Variants in CPVL observed in about 807,000 individuals in gnomAD.
CPVL encodes the protein probable serine carboxypeptidase CPVL.
Under a neutral mutation model 63.7 loss-of-function variants are expected in CPVL, and 51 were observed. That is an observed-to-expected ratio of 0.80 (90% confidence interval 0.64 to 1.01). CPVL has a LOEUF of 1.01. Ranked by LOEUF, CPVL falls within the 50% of genes least tolerant of loss-of-function variation. The pLI, the probability that CPVL is intolerant of heterozygous loss-of-function variation, is 0.00. For missense variants in CPVL, 530 were observed against 573.1 expected (o/e 0.92, Z 0.77); for synonymous variants, 195 against 206.0 (o/e 0.95, Z 0.46).
intron 5 of CPVL, among the ~76,000 whole-genome samples, chr7:29,168,792 C>T (rs1796241065): frequency 6.6e-6 from 1 of 152,184 alleles, no homozygotes; most frequent in Non-Finnish European, 1.5e-5. Flanking sequence ...TTTAGTTTAG[C>T]ATGTATTCAT....
intron 5 of CPVL, among the ~76,000 whole-genome samples, chr7:29,174,561 T>C (rs1797026569): frequency 6.6e-6 from 1 of 152,018 alleles, no homozygotes; most frequent in Non-Finnish European, 1.5e-5. Context: ...CCCAACACAA[T>C]GATTAAACAA....
At position 29,043,815 on chromosome 7, in the gene CPVL, A is replaced by G. The variant is rs545519819; in HGVS notation, c.1138-13056T>C. On this transcript the variant is annotated intron_variant, in intron 11 of 12. Transcript: ENST00000265394. Reference sequence around the variant, plus strand: ...AAAAGCCCTAGGAAGAGCCCAGAACATATGACTGGGGCTTCTGTCGGCAGT... The same window carrying G: ...AAAAGCCCTAGGAAGAGCCCAGAACGTATGACTGGGGCTTCTGTCGGCAGT... 8.5e-5 allele frequency among the ~76,000 whole-genome samples: 13 copies of G among 152,320 alleles called. No individual in the cohort carries two copies. The South Asian group carries it at 2.3e-3, about 27-fold the overall frequency.
At position 29,120,985 on chromosome 7, in the gene CPVL, G is replaced by A. The variant is rs765265643; in HGVS notation, c.77C>T (p.Ser26Phe). 1 of 1,613,798 alleles carries A rather than the reference G, an allele frequency of 6.2e-7. No homozygotes were observed. The highest frequency in any genetic ancestry group is 1.1e-5 in the South Asian group (1 of 90,994). Residue 26 changes from serine (S) to phenylalanine (F), a missense_variant, in exon 2 of 13, where the codon TCC (serine) becomes TTC (phenylalanine). By Grantham distance (155) the Ser-to-Phe change is radical. Coordinates refer to ENST00000265394, the MANE Select transcript of CPVL (RefSeq NM_031311.5). ...TGGCATGGAAACACTTCTGTATAGG[G>A]AGCGAAACAGCCCATCACAGGGGCC... is the stretch of plus-strand genomic sequence containing the variant. ...MPGPCDGLFRSLYRSVSMPPK... is the reference protein window; with the variant it reads ...MPGPCDGLFRFLYRSVSMPPK...
chr7:29,015,377 A>C (rs1786307562), intron 12 of CPVL, among the ~76,000 whole-genome samples: 1 of 152,036 alleles, frequency 6.6e-6, no homozygotes, highest in Non-Finnish European at 1.5e-5. Flanking sequence ...GCCTGGTGGG[A>C]GGTGATTGGA....
At chr7:29,097,077 C>G (rs1786509511) in intron 3 of CPVL, among the ~76,000 whole-genome samples, 1 of 152,012 alleles carries the variant, frequency 6.6e-6, no homozygotes, top group African/African-American at 2.4e-5. Context: ...AGCAGACAGC[C>G]CCAGGGGCCT....
At position 29,061,674 on chromosome 7, in the gene CPVL, C is replaced by T. The variant is rs978283232; in HGVS notation, c.1137+2387G>A. ...TAAATTTGTACAGTGAGGCCAGGTG[C>T]GGTGGTTCATGCCTGCAATCCTAGC... is the stretch of plus-strand genomic sequence containing the variant. On this transcript the variant is annotated intron_variant, in intron 11 of 12. Coordinates refer to ENST00000265394, the MANE Select transcript of CPVL (RefSeq NM_031311.5). Among the ~76,000 whole-genome samples, 29 of 151,962 alleles carry T rather than the reference C, an allele frequency of 1.9e-4. 1 individual carries two copies. In the East Asian group the frequency reaches 3.3e-3, roughly 17 times the overall value.
At chr7:29,075,171 GGTAGTCATGACAAAC>G (rs1390875154) in intron 7 of CPVL, among the ~76,000 whole-genome samples, 1 of 152,072 alleles carries the variant, frequency 6.6e-6, no homozygotes, top group Non-Finnish European at 1.5e-5. Context: ...TTGCTAGGTA[GGTAGTCATGACAAAC>G]GTAGGCTGAA....
intron 5 of CPVL, among the ~76,000 whole-genome samples, chr7:29,093,377 C>CAAAAAAAAA (rs371165878): frequency 1.4e-5 from 1 of 70,026 alleles, no homozygotes; most frequent in Non-Finnish European, 2.6e-5. Flanking sequence ...ACTCCGTCTC[C>CAAAAAAAAA]AAAAAAAAAA....
intron 9 of CPVL, among the ~76,000 whole-genome samples, chr7:29,069,483 A>G (rs933765057): frequency 4.6e-5 from 7 of 152,098 alleles, no homozygotes. Flanking sequence ...TGTTGTCAAA[A>G]AATAACATGG....
rs142051268 is a variant in CPVL at position 29,157,898 on chromosome 7, G to A, written c.-11+23392C>T. On this transcript the variant is annotated intron_variant, in intron 5 of 16. Coordinates refer to the CPVL transcript ENST00000409850. ...TCATGTGCTAATGTAAAAATGCTCC[G>A]GCAGTCCTTTCATTTTACTCTTCCT... Among the ~76,000 whole-genome samples, 469 of 152,178 alleles carry A rather than the reference G, an allele frequency of 3.1e-3. 2 individuals carry two copies. Among genetic ancestry groups the A allele is most frequent in the African/African-American group, 0.011 (451 of 41,528 alleles).
At chr7:28,997,883 T>C (rs1019148736) in intron 12 of CPVL, among the ~76,000 whole-genome samples, 1 of 151,656 alleles carries the variant, frequency 6.6e-6, no homozygotes, top group Non-Finnish European at 1.5e-5. Context: ...CAGATCCCAT[T>C]TGCAGATGTG....
chr7:28,996,113 C>G (rs1784030394), intron 12 of CPVL: 1 of 441,364 alleles, frequency 2.3e-6, no homozygotes, highest in Non-Finnish European at 3.9e-6. Flanking sequence ...AAGTTGTATT[C>G]TTTTCTCATG....
At chr7:29,009,544 A>G (rs1328647437) in intron 12 of CPVL, 1 of 152,246 alleles carries the variant, frequency 6.6e-6, no homozygotes, top group East Asian at 1.9e-4. Flanking sequence ...ATGATGAAAT[A>G]CTATGCAGCA....
Position 29,110,571 on chromosome 7 carries a change from T to C in CPVL, c.288+2133A>G, listed in dbSNP as rs75629774. 2.2e-3 allele frequency among the ~76,000 whole-genome samples: 329 copies of C among 152,344 alleles called. 1 individual carries two copies. The highest frequency in any genetic ancestry group is 7.3e-3 in the African/African-American group (303 of 41,584). Reference sequence around the variant, plus strand: ...ATCTCTGGGGGAAGTCAGAGAATTCTTGTATGCAATAACATGTGAGAATCC... The same window carrying C: ...ATCTCTGGGGGAAGTCAGAGAATTCCTGTATGCAATAACATGTGAGAATCC... On this transcript the variant is annotated intron_variant, in intron 3 of 12. Transcript: ENST00000265394.
intron 5 of CPVL, among the ~76,000 whole-genome samples, chr7:29,179,122 C>G (rs1190195405): frequency 6.6e-6 from 1 of 152,138 alleles, no homozygotes; most frequent in Non-Finnish European, 1.5e-5. Context: ...TCCTCATGGA[C>G]CCTTTGAAAA....
chr7:28,995,512 T>G lies in CPVL; in HGVS notation c.*260A>C, dbSNP rs1234106433. On this transcript the variant is annotated 3_prime_UTR_variant, in exon 13 of 13. Transcript: ENST00000265394. Reference sequence around the variant, plus strand: ...AAGACCCTAAAATTTCATTTATACATCTTGTCTCAGTGTCACATCATCCAT... The same window carrying G: ...AAGACCCTAAAATTTCATTTATACAGCTTGTCTCAGTGTCACATCATCCAT... 2.0e-5 allele frequency: 7 copies of G among 348,566 alleles called. No individual in the cohort carries two copies. Among genetic ancestry groups the G allele is most frequent in the Non-Finnish European group, 3.6e-5 (7 of 196,890 alleles). The allele number at this position is 348,566 out of a possible 1,614,324, so 21.6% of individuals were successfully genotyped here. A position where few individuals can be genotyped will look rare whatever the true frequency, so the allele number is the denominator to read the frequency against.
At chr7:29,109,310 A>T (rs1788025179) in intron 3 of CPVL, among the ~76,000 whole-genome samples, 1 of 152,224 alleles carries the variant, frequency 6.6e-6, no homozygotes, top group Admixed American at 6.5e-5. Flanking sequence ...AACTAATTTA[A>T]GAAACAGCAT....
chr7:29,072,490 C>A lies in CPVL; in HGVS notation c.610-67G>T, dbSNP rs77813909. 7 of 1,557,664 alleles carry A rather than the reference C, an allele frequency of 4.5e-6. No individual in the cohort carries two copies. The East Asian group carries it at 1.6e-4, about 35-fold the overall frequency. On this transcript the variant is annotated intron_variant, in intron 7 of 12. Transcript: ENST00000265394. ...GCTAGTAAAATTAAATGTACTTAAGCTAATTAAAATAACAATGAAGGAGCA... is the reference window on the plus strand; with the variant it reads ...GCTAGTAAAATTAAATGTACTTAAGATAATTAAAATAACAATGAAGGAGCA...
intron 5 of CPVL, among the ~76,000 whole-genome samples, chr7:29,152,186 G>A (rs999938851): frequency 3.3e-5 from 5 of 152,138 alleles, no homozygotes; most frequent in African/African-American, 1.2e-4. Flanking sequence ...CAAGTAAAAT[G>A]GGCAAAAGGT....
Sources: allele counts gnomAD v4.1 joint callset (sites outside exome capture counted in the v4.1 genomes callset), GRCh38; gene constraint gnomAD v4.1.1; transcripts MANE v1.5; gene names NCBI Gene and HGNC (gene_info 2026-07-23, HGNC 2026-07-21).